Variants in TRO observed in about 807,000 individuals in gnomAD.
TRO encodes the protein MAGE superfamily protein.
Under a neutral mutation model 42.3 loss-of-function variants are expected in TRO, and 29 were observed. That is an observed-to-expected ratio of 0.68 (90% CI 0.51 to 0.93). The LOEUF is 0.93. Ranked by LOEUF, TRO falls within the 40% of genes least tolerant of loss-of-function variation. The probability of loss-of-function intolerance (pLI) is 0.00; values close to 1 mark genes in which losing one functional copy is unlikely to be tolerated. For synonymous variants in TRO, 384 were observed against 425.2 expected (o/e 0.90, Z 1.19); for missense variants, 963 against 1,127.7 (o/e 0.85, Z 2.09).
intron 3 of TRO, 163 bp from the exon 4 acceptor site, chrX:54,924,288 C>G (rs1166303487): frequency 2.2e-6 from 1 of 454,211 alleles, no homozygotes; most frequent in African/African-American, 2.5e-5. Context: ...AAGATAAGCT[C>G]AGGACTCAGG....
rs1357779415 is a variant in TRO at position 54,929,621 on chromosome X, G to T, written c.2897G>T (p.Gly966Val). ...SICFDGSPST[G>V]AGFGGALNTS... ...TGCTTTGATGGCTCTCCCAGCACTG[G>T]TGCTGGCTTTGGTGGTGCTCTCAAC... Residue 966 changes from glycine (G) to valine (V), a missense_variant, in exon 12 of 13, where the codon GGT (glycine) becomes GTT (valine). Transcript: ENST00000173898. 1 of 1,210,145 alleles carries T rather than the reference G, an allele frequency of 8.3e-7. No homozygotes were observed. Among genetic ancestry groups the T allele is most frequent in the Non-Finnish European group, 1.1e-6 (1 of 895,066 alleles).
At position 54,927,781 on chromosome X, in the gene TRO, G is replaced by A. The variant is rs899406675; in HGVS notation, c.1878G>A (p.Arg626=). ...SKMKVLKFAC[R]VQKKDPKDWA... ...TGAAAGTCCTCAAGTTTGCATGCAG[G>A]GTAAGAGGAGAGCTGCCCGAGCTTG... is the stretch of plus-strand genomic sequence containing the variant. Residue 626 remains arginine, a splice_region_variant and synonymous_variant, in exon 11 of 13, where the codon AGG becomes AGA. Transcript: ENST00000173898. 3 of 1,202,907 alleles carry A rather than the reference G, an allele frequency of 2.5e-6. No individual in the cohort carries two copies. The African/African-American group carries it at 5.3e-5, about 21-fold the overall frequency.
chrX:54,921,065 A>AT (rs1403939363), intron 1 of TRO, 187 bp downstream of exon 1: 1 of 111,213 alleles, frequency 9.0e-6, no homozygotes, highest in Non-Finnish European at 1.9e-5. Context: ...AGGAGGCAGA[A>AT]TCCCCTTTGG....
chrX:54,927,303 G>A, intron 10 of TRO, 198 bp downstream of exon 10: 1 of 509,751 alleles, frequency 2.0e-6, no homozygotes. Flanking sequence ...GGCCCTTGCA[G>A]TGGGGTGCGC....
At position 54,930,982 on chromosome X, in the gene TRO, G is replaced by C. The variant is rs777489634; in HGVS notation, c.4258G>C (p.Ala1420Pro). The C allele has an allele frequency of 2.5e-6, 3 of 1,199,975 alleles. No homozygotes were observed. Among genetic ancestry groups the C allele is most frequent in the Admixed American group, 4.4e-5 (2 of 45,519 alleles). The part of the protein sequence containing the change: ...PSTSAGFGSG[A>P]ASLGACGFSY... ...CACCAGTGCTGGCTTTGGCAGTGGAGCCGCCAGTCTTGGTGCCTGTGGCTT... is the reference window on the plus strand; with the variant it reads ...CACCAGTGCTGGCTTTGGCAGTGGACCCGCCAGTCTTGGTGCCTGTGGCTT... The change falls in exon 12 of 13, where the codon GCC (alanine) becomes CCC (proline). Residue 1420 changes from alanine (A) to proline (P), a missense_variant. Physicochemically the swap from Ala to Pro is conservative, Grantham distance 27. This residue lies in a region of TRO where 641 missense variants were observed against 811.3 expected (regional missense o/e 0.79). Coordinates refer to ENST00000173898, the MANE Select transcript of TRO (RefSeq NM_001039705.3).
chrX:54,922,138 T>TC, intron 1 of TRO, 65 bp from the exon 2 acceptor site: 2 of 884,656 alleles, frequency 2.3e-6, no homozygotes, highest in Non-Finnish European at 3.2e-6. Flanking sequence ...TACATGAGAC[T>TC]CCCCTAAGTC....
Position 54,924,491 on chromosome X carries a change from A to G in TRO, c.1277A>G (p.Tyr426Cys). 3 of 1,209,190 alleles carry G rather than the reference A, an allele frequency of 2.5e-6. No homozygotes were observed. The highest frequency in any genetic ancestry group is 3.4e-6 in the Non-Finnish European group (3 of 894,366). Residue 426 changes from tyrosine to cysteine, a missense_variant, in exon 4 of 13, where the codon TAC (tyrosine) becomes TGC (cysteine). Transcript: ENST00000173898. ...GGGGATGAGAGAAGTGGCAGTAATT[A>G]CAGGCGGATCCCATGGGGCCGGAGG... Reference protein sequence around the residue: ...LNGDERSGSNYRRIPWGRRPA... With the variant: ...LNGDERSGSNCRRIPWGRRPA...
At chrX:54,922,153 T>A in intron 1 of TRO, 50 bp from the exon 2 acceptor site, 1 of 993,462 alleles carries the variant, frequency 1.0e-6, no homozygotes, top group Non-Finnish European at 1.4e-6. Flanking sequence ...TAAGTCAGGA[T>A]AGGTGAGATG....
In TRO at chrX:54,923,235, C is replaced by T. The variant is rs1258441595; in HGVS notation, c.703C>T (p.Gln235Ter). 8.3e-7 allele frequency: 1 copy of T among 1,211,816 alleles called. No individual in the cohort carries two copies. The highest frequency in any genetic ancestry group is 1.1e-6 in the Non-Finnish European group (1 of 895,533). Residue 235 changes from glutamine (Q) to a stop codon, truncating the protein, a stop_gained, in exon 3 of 13, where the codon CAA becomes TAA. Transcript: ENST00000173898. LOFTEE classifies it high-confidence loss of function. ...AACTGCCACCCATACAGCTACCACC[C>T]AAGGCCAAATTACCAATGAGACAGC... Reference protein sequence around the residue: ...AATATHTATTQGQITNETASI... With the variant: ...AATATHTATT
Position 54,929,350 on chromosome X carries a change from A to G in TRO, c.2626A>G (p.Ser876Gly). The G allele has an allele frequency of 1.6e-6, 2 of 1,212,314 alleles. No individual in the cohort carries two copies. The highest frequency in any genetic ancestry group is 3.0e-5 in the East Asian group (1 of 33,850). ...STSFGSAPTT[S>G]TVFSSALSTS... Reference sequence around the variant, plus strand: ...CAGCTTTGGCAGTGCACCCACAACGAGCACAGTCTTCAGTAGTGCGCTTAG... The same window carrying G: ...CAGCTTTGGCAGTGCACCCACAACGGGCACAGTCTTCAGTAGTGCGCTTAG... Residue 876 changes from serine (S) to glycine (G), a missense_variant, in exon 12 of 13, where the codon AGC becomes GGC. Around this residue, in one of 2 missense-constraint regions of TRO, gnomAD observed 641 missense variants for 811.3 expected, o/e 0.79. Coordinates refer to ENST00000173898, the MANE Select transcript of TRO (RefSeq NM_001039705.3).
chrX:54,927,341 C>T, intron 10 of TRO: 1 of 503,156 alleles, frequency 2.0e-6, no homozygotes, highest in South Asian at 2.9e-5. Context: ...AAGAATGGCT[C>T]CTCTGTTTAC....
At chrX:54,922,501 A>G in intron 2 of TRO, 77 bp from the exon 3 acceptor site, 2 of 1,014,164 alleles carry the variant, frequency 2.0e-6, no homozygotes, top group East Asian at 3.2e-5. Context: ...TGCTCAGAGG[A>G]AGGGAAGGCC....
At chrX:54,926,559 G>T in intron 8 of TRO, 24 bp from the exon 9 acceptor site, 2 of 1,181,134 alleles carry the variant, frequency 1.7e-6, no homozygotes, top group Non-Finnish European at 2.3e-6. Flanking sequence ...TTCTGTCCCT[G>T]TCTCCTCTTG....
At chrX:54,921,714 C>T (rs1932076247) in intron 1 of TRO, among the ~76,000 whole-genome samples, 1 of 48,517 alleles carries the variant, frequency 2.1e-5, no homozygotes, top group Non-Finnish European at 3.8e-5. Flanking sequence ...AGGGGCGGTG[C>T]GGAGTGGTAC....
intron 1 of TRO, 80 bp downstream of exon 1, chrX:54,920,958 C>T (rs1162463594): frequency 9.0e-6 from 1 of 111,272 alleles, no homozygotes; most frequent in African/African-American, 3.3e-5. Context: ...ACTCCACACG[C>T]CCCTAAGGTT....
chrX:54,922,451 C>T (rs1932195953), intron 2 of TRO, 127 bp from the exon 3 acceptor site: 3 of 897,569 alleles, frequency 3.3e-6, no homozygotes, highest in Non-Finnish European at 4.6e-6. Flanking sequence ...CTGCCTGACT[C>T]TATTCCTTCC....
chrX:54,922,885 C>T lies in TRO; in HGVS notation c.353C>T (p.Ala118Val). 1 of 1,211,729 alleles carries T rather than the reference C, an allele frequency of 8.3e-7. No individual in the cohort carries two copies. Among genetic ancestry groups the T allele is most frequent in the Non-Finnish European group, 1.1e-6 (1 of 895,423 alleles). Reference sequence around the variant, plus strand: ...CCAGTCATTACCCAGATCAGCCAGGCTTTACCTACCACTGAGGTAACCAAT... The same window carrying T: ...CCAGTCATTACCCAGATCAGCCAGGTTTTACCTACCACTGAGGTAACCAAT... Reference protein sequence around the residue: ...NLPVITQISQALPTTEVTNTQ... With the variant: ...NLPVITQISQVLPTTEVTNTQ... Residue 118 changes from alanine to valine, a missense_variant, in exon 3 of 13, where the codon GCT becomes GTT. Transcript: ENST00000173898.
Position 54,930,240 on chromosome X carries a change from T to C in TRO, c.3516T>C (p.Pro1172=), listed in dbSNP as rs75851807. 1.3e-3 allele frequency: 1,581 copies of C among 1,210,787 alleles called. 20 individuals carry two copies. The East Asian group carries it at 0.039, about 30-fold the overall frequency. Residue 1172 remains proline (P), a synonymous_variant, in exon 12 of 13, where the codon CCT becomes CCC. Coordinates refer to ENST00000173898, the MANE Select transcript of TRO (RefSeq NM_001039705.3). The part of the protein sequence containing the change: ...ASNTNLCFGG[P]PSTSACFSGA... ...ATACTAACCTATGCTTTGGTGGCCC[T>C]CCTAGCACCAGTGCCTGCTTTAGTG...
Position 54,930,624 on chromosome X carries a change from C to T in TRO, c.3900C>T (p.Gly1300=), listed in dbSNP as rs745843430. The T allele has an allele frequency of 1.7e-6, 2 of 1,206,874 alleles. No individual in the cohort carries two copies. The highest frequency in any genetic ancestry group is 5.9e-5 in the East Asian group (2 of 33,688). The change falls in exon 12 of 13, where the codon GGC becomes GGT. Residue 1300 remains glycine, a synonymous_variant. Transcript: ENST00000173898. ...GGGLGTNASF[G]STLGTSAGFS... is the part of the protein sequence containing the mutation. ...GACTGGGCACCAATGCTAGTTTCGG[C>T]AGCACACTTGGCACCAGTGCTGGCT... is the stretch of plus-strand genomic sequence containing the variant.
Sources: allele counts gnomAD v4.1 joint callset (sites outside exome capture counted in the v4.1 genomes callset), GRCh38; gene constraint gnomAD v4.1.1; regional missense constraint gnomAD v4.1.1; transcripts MANE v1.5; gene names NCBI Gene and HGNC (gene_info 2026-07-23, HGNC 2026-07-21).